The following RNF213 variants were observed in gnomAD, a reference collection of about 807,000 sequenced individuals.
RNF213 encodes the protein ring finger protein 213, also known as E3 ubiquitin-protein ligase RNF213.
Under a neutral mutation model 514.4 loss-of-function variants are expected in RNF213, and 341 were observed. The observed-to-expected ratio is 0.66, with a 90% CI of 0.61 to 0.73. The LOEUF (loss-of-function observed/expected upper bound fraction) is 0.73, where lower values mean the gene tolerates loss of function less well. Among genes scored for constraint, RNF213 ranks in the 30% least tolerant of loss-of-function variants. The pLI is 0.00. For synonymous variants in RNF213, 2,655 were observed against 2,658.2 expected, an observed-to-expected ratio of 1.00 and a Z score of 0.04; for missense variants, 5,767 against 6,615.6, an observed-to-expected ratio of 0.87 and a Z score of 4.45.
chr17:80,291,869 G>A (rs1598936609), intron 8 of RNF213, 42 bp downstream of exon 8: 3 of 1,607,358 alleles, frequency 1.9e-6, no homozygotes, highest in African/African-American at 1.3e-5. Flanking sequence ...CCTCCGGAGT[G>A]CAGGTGCCAA....
At chr17:80,376,234 G>GT (rs1445596512) in intron 51 of RNF213, 67 bp from the exon 52 acceptor site, 1 of 1,563,844 alleles carries the variant, frequency 6.4e-7, no homozygotes, top group African/African-American at 1.4e-5. Context: ...TGGTGTCAGT[G>GT]TATGTCTAAG....
intron 25 of RNF213, 35 bp from the exon 26 acceptor site, chr17:80,339,166 C>G (rs1337537840): frequency 2.8e-6 from 4 of 1,449,768 alleles, no homozygotes; most frequent in Non-Finnish European, 3.6e-6. Flanking sequence ...TCTCGCATGG[C>G]TCTGTGAGCC....
At chr17:80,385,697 C>G (rs571427645) in intron 61 of RNF213, 76 bp downstream of exon 61, 2 of 1,242,542 alleles carry the variant, frequency 1.6e-6, no homozygotes, top group African/African-American at 3.0e-5. Context: ...CAGCCTGACT[C>G]GGCCCATCCC....
chr17:80,269,691 A>G (rs537462512), intron 2 of RNF213, among the ~76,000 whole-genome samples: 2 of 151,876 alleles, frequency 1.3e-5, no homozygotes, highest in African/African-American at 2.4e-5. Flanking sequence ...TGTTCTATCT[A>G]TGTATCTATC....
At chr17:80,351,845 A>G (rs754587227) in intron 32 of RNF213, 42 bp downstream of exon 32, 33 of 1,088,892 alleles carry the variant, frequency 3.0e-5, no homozygotes, top group Non-Finnish European at 4.5e-5. Context: ...TTATGTATTT[A>G]TTTATTTATT....
chr17:80,333,352 G>A (rs1364786717), intron 21 of RNF213, among the ~76,000 whole-genome samples: 1 of 150,928 alleles, frequency 6.6e-6, no homozygotes, highest in Non-Finnish European at 1.5e-5. Flanking sequence ...GAGCCACCGT[G>A]CCCGGCTGAG....
In RNF213 at chr17:80,345,176, A is replaced by G. The variant is rs2078269159; in HGVS notation, c.6841A>G (p.Met2281Val). ...AAGCCCGGGGAAGCACATGGTCACC[A>G]TGGATGGGGTTAGGGAAGAAGATCT... is the stretch of plus-strand genomic sequence containing the variant. ...DQSPGKHMVT[M>V]DGVREEDLAP... The change falls in exon 29 of 68, where the codon ATG becomes GTG. Residue 2281 changes from methionine to valine, a missense_variant. Transcript: ENST00000582970. The surrounding 1 kb of genome is among the most constrained non-coding windows in gnomAD (Gnocchi z 6.0). 3 of 1,614,150 alleles carry G rather than the reference A, an allele frequency of 1.9e-6. No individual in the cohort carries two copies. Among genetic ancestry groups the G allele is most frequent in the Middle Eastern group, 3.3e-4 (2 of 6,062 alleles).
chr17:80,389,808 G>T lies in RNF213; in HGVS notation c.15196-20G>T. The stretch of plus-strand genomic sequence containing the variant: ...GTGTGAGACCTCAGCCCCCACTCAG[G>T]AATTCTATTCCTTCTGCAGGCCTTA... On this transcript the variant is annotated intron_variant, in intron 65 of 67. Coordinates refer to ENST00000582970, the MANE Select transcript of RNF213 (RefSeq NM_001256071.3). The T allele has an allele frequency of 6.2e-7, 1 of 1,610,368 alleles. No homozygotes were observed. The highest frequency in any genetic ancestry group is 8.5e-7 in the Non-Finnish European group (1 of 1,177,334).
chr17:80,381,818 C>A, intron 57 of RNF213, 91 bp downstream of exon 57: 1 of 1,153,702 alleles, frequency 8.7e-7, no homozygotes, highest in Non-Finnish European at 1.3e-6. Flanking sequence ...CCACACACAG[C>A]CAGTCTGAGC....
At position 80,368,051 on chromosome 17, in the gene RNF213, CAG is replaced by C. The variant is rs2079350953; in HGVS notation, c.12064_12065del (p.Arg4022GlyfsTer34). On this transcript the variant is annotated frameshift_variant, in exon 44 of 68. Transcript: ENST00000582970. LOFTEE classifies it high-confidence loss of function. ...ACCACGTGCACTGCCTGCGCTGCCTCAGGGCCTGGTTTGCCTCAGAGCAGATG... is the reference window on the plus strand; with the variant it reads ...ACCACGTGCACTGCCTGCGCTGCCTCGGCCTGGTTTGCCTCAGAGCAGATG... ...CDHVHCLRCL[R>X]AWFASEQMIC... The C allele has an allele frequency of 6.2e-7, 1 of 1,614,168 alleles. No homozygotes were observed. The highest frequency in any genetic ancestry group is 1.7e-5 in the Admixed American group (1 of 60,014).
intron 38 of RNF213, 119 bp downstream of exon 38, chr17:80,360,325 C>T: frequency 3.3e-6 from 4 of 1,210,320 alleles, no homozygotes; most frequent in Non-Finnish European, 4.7e-6. Flanking sequence ...TTTTAGTTTT[C>T]ACACTTTGTT....
intron 1 of RNF213, among the ~76,000 whole-genome samples, chr17:80,261,213 C>T (rs1210955456): frequency 6.6e-6 from 1 of 152,122 alleles, no homozygotes; most frequent in Non-Finnish European, 1.5e-5. Flanking sequence ...GCAGTGCTGC[C>T]CCCGGGAAGT....
In RNF213 at chr17:80,395,260, T is replaced by G. The variant is rs573171787; in HGVS notation, c.*1762T>G. 7 of 152,322 alleles carry G rather than the reference T, an allele frequency of 4.6e-5. 1 individual carries two copies. The South Asian group carries it at 1.4e-3, about 32-fold the overall frequency. The allele number at this position is 152,322 out of a possible 1,614,324, so 9.4% of individuals were successfully genotyped here. A position where few individuals can be genotyped will look rare whatever the true frequency, so the allele number is the denominator to read the frequency against. ...GAGGCAAAAAAAAAAAAAATGAATT[T>G]TATTTTACTTGTCACACCTGTCTTA... On this transcript the variant is annotated 3_prime_UTR_variant, in exon 68 of 68. Transcript: ENST00000582970.
chr17:80,263,674 C>T lies in RNF213; in HGVS notation c.-8C>T. 1 of 1,611,962 alleles carries T rather than the reference C, an allele frequency of 6.2e-7. No individual in the cohort carries two copies. ...TTCTGGATCTGCAGGGCAGTCCCAGCAGGACCCATGGAGTGTCCTTCGTGC... is the reference window on the plus strand; with the variant it reads ...TTCTGGATCTGCAGGGCAGTCCCAGTAGGACCCATGGAGTGTCCTTCGTGC... On this transcript the variant is annotated 5_prime_UTR_variant, in exon 2 of 68. Coordinates refer to ENST00000582970, the MANE Select transcript of RNF213 (RefSeq NM_001256071.3). This position sits in a 1 kb window ranked among gnomAD's most constrained non-coding sequence, Gnocchi z 4.9.
chr17:80,281,606 A>C (rs112508603), intron 3 of RNF213, among the ~76,000 whole-genome samples: 1,628 of 44,998 alleles, frequency 0.036, 1 homozygote, highest in South Asian at 0.043. Context: ...ACACACAGCC[A>C]ACTCACACCA....
intron 3 of RNF213, among the ~76,000 whole-genome samples, chr17:80,282,033 T>C (rs938370040): frequency 1.3e-4 from 19 of 151,618 alleles, no homozygotes; most frequent in African/African-American, 4.6e-4. Context: ...ATTTTTGTAT[T>C]TTTAGTAGAG....
chr17:80,353,841 G>A lies in RNF213; in HGVS notation c.10578+175G>A. On this transcript the variant is annotated intron_variant, in intron 34 of 67. Transcript: ENST00000582970. The surrounding 1 kb of genome is among the most constrained non-coding windows in gnomAD (Gnocchi z 5.0). ...TTGTTGCTGGTTACTGGGGGTCAAG[G>A]GCATCTGCACCGGCAGTTTGGGGGG... 8.3e-7 allele frequency: 1 copy of A among 1,199,986 alleles called. No homozygotes were observed. Among genetic ancestry groups the A allele is most frequent in the South Asian group, 1.3e-5 (1 of 77,622 alleles). The allele number at this position is 1,199,986 out of a possible 1,614,324, so 74.3% of individuals were successfully genotyped here.
At position 80,319,232 on chromosome 17, in the gene RNF213, TG is replaced by T. The variant is rs1207356185; in HGVS notation, c.2947del (p.Asp983ThrfsTer5). 6.2e-7 allele frequency: 1 copy of T among 1,614,066 alleles called. No individual in the cohort carries two copies. Among genetic ancestry groups the T allele is most frequent in the Non-Finnish European group, 8.5e-7 (1 of 1,180,050 alleles). On this transcript the variant is annotated frameshift_variant, in exon 17 of 68. Transcript: ENST00000582970. LOFTEE classifies it high-confidence loss of function. Reference protein sequence around the residue: ...SQITAYCNSCWDTKGLEDSVA... With the variant: ...SQITAYCNSCXDTKGLEDSVA... ...GATCACTGCCTACTGCAATAGTTGC[TG>T]GGACACCAAAGGCTTAGAGGACAGT...
chr17:80,367,660 C>T (rs2079331566), intron 42 of RNF213, 88 bp from the exon 43 acceptor site: 1 of 980,056 alleles, frequency 1.0e-6, no homozygotes, highest in Non-Finnish European at 1.6e-6. Flanking sequence ...GCAGCCTTGG[C>T]CCTGAATGTG....
Sources: gnomAD v4.1 joint callset for allele counts (sites outside exome capture counted in the v4.1 genomes callset) on GRCh38, gnomAD v4.1.1 for gene constraint, Gnocchi (gnomAD v3.1) non-coding constraint, MANE v1.5 for transcripts, NCBI Gene and HGNC (gene_info 2026-07-23, HGNC 2026-07-21) for gene names.